The following CNBD1 variants were observed in gnomAD, a reference collection of about 807,000 sequenced individuals.
CNBD1 encodes the protein cyclic nucleotide binding domain containing 1, also known as cyclic nucleotide-binding domain-containing protein 1.
Under a neutral mutation model 54.4 loss-of-function variants are expected in CNBD1, and 71 were observed. The ratio of observed to expected loss-of-function variants is 1.30; its 90% CI spans 1.08 to 1.59. The LOEUF is 1.59. CNBD1 is among the 40% of genes most tolerant of loss of function. CNBD1 has a pLI of 0.00. For synonymous variants in CNBD1, 182 were observed against 170.7 expected (o/e 1.07, Z -0.51); for missense variants, 659 against 518.0 (o/e 1.27, Z -2.64).
chr8:86,993,997 G>A (rs931795923), intron 4 of CNBD1, among the ~76,000 whole-genome samples: 3 of 152,144 alleles, frequency 2.0e-5, no homozygotes, highest in Non-Finnish European at 4.4e-5. Context: ...GTCGTGGCAG[G>A]GAGGTAGGCC....
At chr8:87,379,140 C>T (rs1463927832) in intron 10 of CNBD1, among the ~76,000 whole-genome samples, 1 of 151,752 alleles carries the variant, frequency 6.6e-6, no homozygotes, top group East Asian at 1.9e-4. Flanking sequence ...ATTGAATACC[C>T]TTTATTTCCT....
At chr8:87,352,751 T>C (rs1309536989) in intron 9 of CNBD1, among the ~76,000 whole-genome samples, 1 of 152,162 alleles carries the variant, frequency 6.6e-6, no homozygotes, top group Non-Finnish European at 1.5e-5. Context: ...GGTAGAAAAG[T>C]TAGAACTAAT....
At chr8:87,194,080 G>C (rs1203912355) in intron 4 of CNBD1, among the ~76,000 whole-genome samples, 1 of 152,120 alleles carries the variant, frequency 6.6e-6, no homozygotes, top group Admixed American at 6.5e-5. Context: ...GAGCCTTATT[G>C]TGAACTGCTT....
rs979256416 is a variant in CNBD1, at chr8:87,110,447, G to A, written c.432-95546G>A. ...TGAATGGGTCAGAGCAATAATACAC[G>A]CTGCCTCCAACATCCGAAGAGGCCT... On this transcript the variant is annotated intron_variant, in intron 4 of 10. Transcript: ENST00000518476. Among the ~76,000 whole-genome samples the A allele has an allele frequency of 3.3e-5, 5 of 152,172 alleles. No individual in the cohort carries two copies. In the East Asian group the frequency reaches 5.8e-4, roughly 18 times the overall value.
chr8:87,112,434 G>T (rs185358925), intron 4 of CNBD1, among the ~76,000 whole-genome samples: 135 of 152,236 alleles, frequency 8.9e-4, no homozygotes, highest in African/African-American at 3.0e-3. Flanking sequence ...TTGGTGTTCA[G>T]CTTGATTAGC....
intron 6 of CNBD1, among the ~76,000 whole-genome samples, chr8:87,267,774 C>T (rs1294410571): frequency 6.6e-6 from 1 of 151,828 alleles, no homozygotes; most frequent in Non-Finnish European, 1.5e-5. Context: ...AGATAGTGGG[C>T]CCAAAGTAAT....
chr8:86,925,482 AGTGTGTGTGTGTGTGTGTGTGTGTGTGT>A lies in CNBD1; in HGVS notation c.273-14097_273-14070del, dbSNP rs71275894. Reference sequence around the variant, plus strand: ...TAAAATATATACGGGCTTACCAAAAAGTGTGTGTGTGTGTGTGTGTGTGTGTGTGTGTGTGTGTGTGTGTCCCTGTCTG... The same window carrying A: ...TAAAATATATACGGGCTTACCAAAAAGTGTGTGTGTGTGTGTCCCTGTCTG... On this transcript the variant is annotated intron_variant, in intron 3 of 10. Transcript: ENST00000518476. 2.1e-5 allele frequency among the ~76,000 whole-genome samples: 3 copies of A among 141,730 alleles called. No individual in the cohort carries two copies. The Admixed American group carries it at 2.1e-4, about 10-fold the overall frequency. 93.0% of individuals were successfully genotyped at this position (141,730 alleles called of 152,430 possible). A position where few individuals can be genotyped will look rare whatever the true frequency, so the allele number is the denominator to read the frequency against.
Position 87,284,757 on chromosome 8 carries a change from C to G in CNBD1, c.851C>G (p.Thr284Arg). Reference sequence around the variant, plus strand: ...GAAACACAGATGTTCTCGGTGGTGACAGAAGACGATTGTGAAATTCTTAAA... The same window carrying G: ...GAAACACAGATGTTCTCGGTGGTGAGAGAAGACGATTGTGAAATTCTTAAA... ...ESETQMFSVV[T>R]EDDCEILKIP... The change falls in exon 7 of 11, where the codon ACA becomes AGA. Residue 284 changes from threonine to arginine, a missense_variant. Coordinates refer to ENST00000518476, the MANE Select transcript of CNBD1 (RefSeq NM_173538.3). 2 of 1,600,260 alleles carry G rather than the reference C, an allele frequency of 1.2e-6. No homozygotes were observed. Among genetic ancestry groups the G allele is most frequent in the Non-Finnish European group, 1.7e-6 (2 of 1,173,424 alleles).
chr8:87,102,372 T>G (rs919308947), intron 4 of CNBD1, among the ~76,000 whole-genome samples: 5 of 152,134 alleles, frequency 3.3e-5, no homozygotes, highest in Non-Finnish European at 7.3e-5. Flanking sequence ...TGGCGAGAAT[T>G]CGTATGAATT....
At chr8:87,002,053 A>G (rs919938295) in intron 4 of CNBD1, among the ~76,000 whole-genome samples, 2 of 152,192 alleles carry the variant, frequency 1.3e-5, no homozygotes, top group African/African-American at 2.4e-5. Context: ...GTACTTTTCT[A>G]TAGAAATGTT....
At chr8:86,956,422 A>G (rs1396635983) in intron 4 of CNBD1, among the ~76,000 whole-genome samples, 2 of 152,204 alleles carry the variant, frequency 1.3e-5, no homozygotes, top group Non-Finnish European at 2.9e-5. Flanking sequence ...TACCTTGGGC[A>G]GTATGACCAT....
chr8:86,965,216 G>T lies in CNBD1; in HGVS notation c.431+25462G>T, dbSNP rs143839966. 2.6e-3 allele frequency among the ~76,000 whole-genome samples: 392 copies of T among 152,236 alleles called. 1 individual carries two copies. The highest frequency in any genetic ancestry group is 9.0e-3 in the African/African-American group (373 of 41,534). On this transcript the variant is annotated intron_variant, in intron 4 of 10. Transcript: ENST00000518476. ...TGTATATAAAAGAAGAACCATGACA[G>T]CATGAGAAAAAAGAAAGAAACAATA... is the stretch of plus-strand genomic sequence containing the variant.
chr8:87,343,603 G>A (rs1286171090), intron 8 of CNBD1, among the ~76,000 whole-genome samples: 1 of 152,080 alleles, frequency 6.6e-6, no homozygotes, highest in Non-Finnish European at 1.5e-5. Context: ...TGTTGTTTAG[G>A]CTTTCAATTA....
chr8:87,076,594 C>T (rs1391219599), intron 4 of CNBD1, among the ~76,000 whole-genome samples: 1 of 152,040 alleles, frequency 6.6e-6, no homozygotes, highest in African/African-American at 2.4e-5. Context: ...AGGCATGCCC[C>T]ACCATGTCTG....
intron 4 of CNBD1, among the ~76,000 whole-genome samples, chr8:86,986,910 A>T (rs1808620910): frequency 6.6e-6 from 1 of 152,120 alleles, no homozygotes; most frequent in African/African-American, 2.4e-5. Context: ...TGGTTGCTTT[A>T]GCCTTATAGT....
At chr8:87,277,580 C>G (rs1326638111) in intron 6 of CNBD1, among the ~76,000 whole-genome samples, 1 of 151,538 alleles carries the variant, frequency 6.6e-6, no homozygotes, top group African/African-American at 2.4e-5. Flanking sequence ...ATTTTATAGA[C>G]AGAAATTAGG....
intron 4 of CNBD1, among the ~76,000 whole-genome samples, chr8:87,060,272 C>T (rs991807569): frequency 5.9e-5 from 9 of 152,218 alleles, no homozygotes; most frequent in South Asian, 4.1e-4. Flanking sequence ...ACAATAAATA[C>T]GTTATTTTAA....
intron 2 of CNBD1, among the ~76,000 whole-genome samples, chr8:87,390,072 C>T (rs1384595833): frequency 1.3e-5 from 2 of 150,882 alleles, no homozygotes; most frequent in Non-Finnish European, 2.9e-5. Flanking sequence ...TGGATCCCTT[C>T]CTTACACCTT....
chr8:87,121,284 C>T (rs1303796519), intron 4 of CNBD1, among the ~76,000 whole-genome samples: 1 of 151,628 alleles, frequency 6.6e-6, no homozygotes, highest in South Asian at 2.1e-4. Context: ...GAAATATATA[C>T]ATCTATATAA....
Sources: allele counts gnomAD v4.1 joint callset (sites outside exome capture counted in the v4.1 genomes callset), GRCh38; gene constraint gnomAD v4.1.1; transcripts MANE v1.5; gene names NCBI Gene and HGNC (gene_info 2026-07-23, HGNC 2026-07-21).